GPM6B: variants seen among roughly 807,000 people sequenced by gnomAD.
GPM6B encodes neuronal membrane glycoprotein M6-b.
Under a neutral mutation model 27.2 loss-of-function variants are expected in GPM6B, and 4 were observed. The ratio of observed to expected loss-of-function variants is 0.15; its 90% CI spans 0.07 to 0.34. The LOEUF (loss-of-function observed/expected upper bound fraction) is 0.34, where lower values mean the gene tolerates loss of function less well. GPM6B is among the 10% of genes least tolerant of loss of function. The pLI is 1.00. For missense variants in GPM6B, 183 were observed against 261.9 expected, an observed-to-expected ratio of 0.70 and a Z score of 2.08; for synonymous variants, 124 against 103.1, an observed-to-expected ratio of 1.20 and a Z score of -1.23.
chrX:13,820,336 C>G (rs1041023399), upstream of GPM6B, among the ~76,000 whole-genome samples: 3 of 110,455 alleles, frequency 2.7e-5, no homozygotes, highest in African/African-American at 9.9e-5. Flanking sequence ...GAAGGGGAGG[C>G]TAGAGTTTCT....
intron 1 of GPM6B, among the ~76,000 whole-genome samples, chrX:13,865,859 TA>T (rs201665607): frequency 2.7e-5 from 3 of 110,098 alleles, no homozygotes; most frequent in South Asian, 3.8e-4. Context: ...TATTCAGCCA[TA>T]AAAAAAACAA....
rs191530493 is a variant in GPM6B, at chrX:13,930,741, C to A, written c.-198+7586G>T. Among the ~76,000 whole-genome samples the A allele has an allele frequency of 3.6e-5, 4 of 112,618 alleles. No homozygotes were observed. The East Asian group carries it at 1.1e-3, about 31-fold the overall frequency. On this transcript the variant is annotated intron_variant, in intron 1 of 6. Transcript: ENST00000398361. ...AATAACTTAGATAAAATGGACAAAGCCCTTGAAAGCCACAATTTACCAAAA... is the reference window on the plus strand; with the variant it reads ...AATAACTTAGATAAAATGGACAAAGACCTTGAAAGCCACAATTTACCAAAA...
rs35452542 is a variant in GPM6B at position 13,913,324 on chromosome X, A to AT, written c.-198+25002dup. Among the ~76,000 whole-genome samples the AT allele has an allele frequency of 1.5e-3, 153 of 102,424 alleles. 1 individual carries two copies. In the South Asian group the frequency reaches 0.023, roughly 16 times the overall value. The allele number at this position is 102,424 out of a possible 115,157, so 88.9% of individuals were successfully genotyped here. A position where few individuals can be genotyped will look rare whatever the true frequency, so the allele number is the denominator to read the frequency against. On this transcript the variant is annotated intron_variant, in intron 1 of 6. Transcript: ENST00000398361. ...ACCACCATGCCTGGCTAATTTTCGT[A>AT]TTTTTTTTTTTGTAGAGGCAGGATG...
At chrX:13,829,354 G>A (rs1314535970) in intron 1 of GPM6B, among the ~76,000 whole-genome samples, 2 of 111,602 alleles carry the variant, frequency 1.8e-5, no homozygotes, top group African/African-American at 6.5e-5. Context: ...TCCCCCATAA[G>A]GCTATTGTTA....
rs748083138 is a variant in GPM6B, at chrX:13,884,622, C to G, written c.-198+53705G>C. 3.6e-5 allele frequency among the ~76,000 whole-genome samples: 4 copies of G among 112,183 alleles called. No homozygotes were observed. The South Asian group carries it at 1.5e-3, about 42-fold the overall frequency. On this transcript the variant is annotated intron_variant, in intron 1 of 6. Transcript: ENST00000398361. ...AACCTAAGGATTCTGCAGATTTTACCTCACTTTTATTTACTCTCATGAAAA... is the reference window on the plus strand; with the variant it reads ...AACCTAAGGATTCTGCAGATTTTACGTCACTTTTATTTACTCTCATGAAAA...
intron 1 of GPM6B, among the ~76,000 whole-genome samples, chrX:13,854,579 G>C (rs1215063146): frequency 1.8e-5 from 2 of 112,186 alleles, no homozygotes; most frequent in Non-Finnish European, 3.8e-5. Flanking sequence ...AGCTAGACAG[G>C]AGGAATAAGT....
intron 1 of GPM6B, among the ~76,000 whole-genome samples, chrX:13,852,790 T>TTTTA (rs1457136227): frequency 7.5e-5 from 8 of 106,246 alleles, no homozygotes; most frequent in African/African-American, 1.7e-4. Context: ...TTTTTTTTTT[T>TTTTA]AAAGACTGGG....
chrX:13,877,982 T>C (rs1050217294), intron 1 of GPM6B, among the ~76,000 whole-genome samples: 1 of 110,226 alleles, frequency 9.1e-6, no homozygotes, highest in African/African-American at 3.3e-5. Flanking sequence ...TTATCACTCA[T>C]ACAAGAGTTA....
chrX:13,934,386 A>C (rs1269928797), intron 1 of GPM6B, among the ~76,000 whole-genome samples: 1 of 111,779 alleles, frequency 8.9e-6, no homozygotes, highest in African/African-American at 3.3e-5. Flanking sequence ...TTCCAGAACC[A>C]AGCATTGCAT....
intron 1 of GPM6B, among the ~76,000 whole-genome samples, chrX:13,914,513 G>A (rs1379457331): frequency 8.9e-6 from 1 of 112,595 alleles, no homozygotes; most frequent in Non-Finnish European, 1.9e-5. Context: ...TGCAGGAACT[G>A]CAGCAGCTGT....
At chrX:13,778,589 G>A (rs1349976923) in intron 5 of GPM6B, among the ~76,000 whole-genome samples, 3 of 111,707 alleles carry the variant, frequency 2.7e-5, no homozygotes, top group East Asian at 2.8e-4. Context: ...TCCTTGACAC[G>A]GGCCAAGAGT....
At chrX:13,930,020 T>C (rs1453738151) in intron 1 of GPM6B, among the ~76,000 whole-genome samples, 1 of 112,329 alleles carries the variant, frequency 8.9e-6, no homozygotes, top group African/African-American at 3.2e-5. Context: ...TAATAGACCT[T>C]GTTATACCAA....
Position 13,772,573 on chromosome X carries a change from G to C in GPM6B, c.*308C>G. The C allele has an allele frequency of 4.2e-6, 1 of 237,594 alleles. No individual in the cohort carries two copies. Among genetic ancestry groups the C allele is most frequent in the African/African-American group, 2.7e-5 (1 of 36,846 alleles). 19.6% of individuals were successfully genotyped at this position (237,594 alleles called of 1,213,427 possible). On this transcript the variant is annotated 3_prime_UTR_variant, in exon 8 of 8. Coordinates refer to ENST00000316715, the MANE Select transcript of GPM6B (RefSeq NM_001001995.3). ...ATTAAGGAGTGTGACATATTCCATTGAGTGTCTTGGTAGAATTGCCCTAGC... is the reference window on the plus strand; with the variant it reads ...ATTAAGGAGTGTGACATATTCCATTCAGTGTCTTGGTAGAATTGCCCTAGC...
intron 1 of GPM6B, among the ~76,000 whole-genome samples, chrX:13,865,946 G>T (rs1223445406): frequency 9.0e-6 from 1 of 111,011 alleles, no homozygotes; most frequent in African/African-American, 3.3e-5. Context: ...GCCAGGCCCA[G>T]AAAGACAAAT....
At chrX:13,777,225 A>G (rs1009965968) in intron 6 of GPM6B, 127 bp downstream of exon 6, 2 of 511,815 alleles carry the variant, frequency 3.9e-6, no homozygotes, top group Non-Finnish European at 3.4e-6. Context: ...GCTCTATCTT[A>G]AAGATTCTAA....
intron 4 of GPM6B, 129 bp downstream of exon 4, chrX:13,783,236 G>C: frequency 2.0e-6 from 1 of 502,068 alleles, no homozygotes; most frequent in Middle Eastern, 3.6e-4. Flanking sequence ...AATTGGTAAA[G>C]CCAATATTTG....
At chrX:13,857,179 C>T (rs1249894385) in intron 1 of GPM6B, among the ~76,000 whole-genome samples, 1 of 111,260 alleles carries the variant, frequency 9.0e-6, no homozygotes, top group Admixed American at 9.6e-5. Context: ...ATTTTGAGAT[C>T]CTTAACTTAA....
intron 1 of GPM6B, among the ~76,000 whole-genome samples, chrX:13,930,924 C>T: frequency 8.9e-6 from 1 of 112,351 alleles, no homozygotes; most frequent in South Asian, 3.7e-4. Flanking sequence ...TGGCTCACAC[C>T]TTTAATCCCA....
chrX:13,935,514 C>T (rs1235793386), intron 1 of GPM6B, among the ~76,000 whole-genome samples: 1 of 110,262 alleles, frequency 9.1e-6, no homozygotes, highest in East Asian at 2.8e-4. Flanking sequence ...GACCCTGTCT[C>T]CAAAAGATAA....
Sources: gnomAD v4.1 joint callset for allele counts (sites outside exome capture counted in the v4.1 genomes callset) on GRCh38, gnomAD v4.1.1 for gene constraint, MANE v1.5 for transcripts, NCBI Gene and HGNC (gene_info 2026-07-23, HGNC 2026-07-21) for gene names.